Variants in ATP6V1C1 observed in about 807,000 individuals in gnomAD.
ATP6V1C1 encodes the protein V-type proton ATPase subunit C 1.
A neutral mutation model predicts 53.9 loss-of-function variants in ATP6V1C1; 45 were observed. The observed-to-expected ratio is 0.83, with a 90% confidence interval of 0.66 to 1.07. The LOEUF is 1.07. ATP6V1C1 is among the 50% of genes least tolerant of loss of function. The pLI is 0.00. For missense variants in ATP6V1C1, 315 were observed against 440.3 expected (o/e 0.72, Z 2.55); for synonymous variants, 153 against 155.2 (o/e 0.99, Z 0.11).
chr8:103,045,766 C>G (rs943783573), intron 3 of ATP6V1C1, among the ~76,000 whole-genome samples: 1 of 151,890 alleles, frequency 6.6e-6, no homozygotes, highest in Non-Finnish European at 1.5e-5. Context: ...ACGATGAAAC[C>G]CCGTCTCTAC....
At chr8:103,066,194 TAA>T in intron 11 of ATP6V1C1, 125 bp from the exon 12 acceptor site, 1 of 582,108 alleles carries the variant, frequency 1.7e-6, no homozygotes, top group Non-Finnish European at 2.4e-6. Flanking sequence ...GTTGAACTTG[TAA>T]AGGTAAAGGG....
chr8:103,051,128 C>G lies in ATP6V1C1; in HGVS notation c.365C>G (p.Ser122Cys), dbSNP rs1383693521. 6.2e-7 allele frequency: 1 copy of G among 1,605,054 alleles called. No homozygotes were observed. The highest frequency in any genetic ancestry group is 2.2e-5 in the East Asian group (1 of 44,680). Residue 122 changes from serine (S) to cysteine (C), a missense_variant, in exon 5 of 13, where the codon TCT becomes TGT. Physicochemically the swap from Ser to Cys is moderately radical, Grantham distance 112 (BLOSUM62 -1). Coordinates refer to ENST00000518738, the MANE Select transcript of ATP6V1C1 (RefSeq NM_001695.5). Reference protein sequence around the residue: ...YPIKQSLKNISEIIAKGVTQI... With the variant: ...YPIKQSLKNICEIIAKGVTQI... ...ATCAAGCAGTCCCTGAAAAATATTT[C>G]TGAAATAATTGCCAAGGTAAGATAA...
At chr8:103,059,669 C>T (rs892967923) in intron 8 of ATP6V1C1, among the ~76,000 whole-genome samples, 1 of 151,934 alleles carries the variant, frequency 6.6e-6, no homozygotes, top group Non-Finnish European at 1.5e-5. Flanking sequence ...CTACTCTCCC[C>T]ACTCCCCCAA....
At chr8:103,029,157 C>T (rs1482183839) in intron 1 of ATP6V1C1, among the ~76,000 whole-genome samples, 2 of 151,798 alleles carry the variant, frequency 1.3e-5, no homozygotes, top group Non-Finnish European at 1.5e-5. Flanking sequence ...TTCTTAAGAT[C>T]GGCATAGCTA....
intron 8 of ATP6V1C1, 143 bp from the exon 9 acceptor site, chr8:103,062,812 A>G: frequency 1.5e-6 from 1 of 658,196 alleles, no homozygotes; most frequent in Non-Finnish European, 2.6e-6. Flanking sequence ...TGTTTGAGGC[A>G]ATCCAGATTG....
Position 103,065,712 on chromosome 8 carries a change from C to T in ATP6V1C1, c.927-609C>T, listed in dbSNP as rs1817476880. Reference sequence around the variant, plus strand: ...ATAAAAGTATCTGCTGACCTTACTTCTTCTTATTTCCTGAGGATATTCATA... The same window carrying T: ...ATAAAAGTATCTGCTGACCTTACTTTTTCTTATTTCCTGAGGATATTCATA... On this transcript the variant is annotated intron_variant, in intron 11 of 12. Coordinates refer to ENST00000518738, the MANE Select transcript of ATP6V1C1 (RefSeq NM_001695.5). Among the ~76,000 whole-genome samples, 5 of 152,098 alleles carry T rather than the reference C, an allele frequency of 3.3e-5. No individual in the cohort carries two copies. In the South Asian group the frequency reaches 1.0e-3, roughly 32 times the overall value.
chr8:103,068,589 A>G (rs574781874), intron 12 of ATP6V1C1, 63 bp from the exon 13 acceptor site: 1 of 1,282,928 alleles, frequency 7.8e-7, no homozygotes, highest in Non-Finnish European at 1.1e-6. Context: ...AAATGTTAAT[A>G]CTTGCTTTCT....
At chr8:103,032,788 A>C (rs1816821940) in intron 1 of ATP6V1C1, among the ~76,000 whole-genome samples, 3 of 152,156 alleles carry the variant, frequency 2.0e-5, no homozygotes, top group Admixed American at 2.0e-4. Context: ...AATTTCTTAT[A>C]AAGGTAAATA....
intron 8 of ATP6V1C1, among the ~76,000 whole-genome samples, chr8:103,058,921 TG>T (rs957281615): frequency 1.3e-5 from 2 of 151,986 alleles, no homozygotes; most frequent in Non-Finnish European, 2.9e-5. Flanking sequence ...TGCTTTTTTT[TG>T]TTGAAACACT....
intron 7 of ATP6V1C1, among the ~76,000 whole-genome samples, chr8:103,054,228 C>T (rs1157543316): frequency 1.3e-5 from 2 of 151,900 alleles, no homozygotes; most frequent in East Asian, 1.9e-4. Flanking sequence ...AGAATTGGCT[C>T]ATTCAAACAT....
intron 12 of ATP6V1C1, among the ~76,000 whole-genome samples, chr8:103,068,381 G>A (rs1444443178): frequency 6.6e-6 from 1 of 152,180 alleles, no homozygotes; most frequent in African/African-American, 2.4e-5. Context: ...ACATAAAAAA[G>A]GTTGGTGGGA....
rs1222438140 is a variant in ATP6V1C1 at position 103,041,999 on chromosome 8, T to C, written c.133-341T>C. 2.0e-5 allele frequency among the ~76,000 whole-genome samples: 3 copies of C among 152,222 alleles called. No individual in the cohort carries two copies. The East Asian group carries it at 5.8e-4, about 29-fold the overall frequency. ...TGCACAGTTTTGCATGCAAATTTAA[T>C]TACAGACCCTCTAGCGCACATCCGT... On this transcript the variant is annotated intron_variant, in intron 2 of 12. Transcript: ENST00000518738.
At chr8:103,033,652 C>T (rs192754440) in intron 1 of ATP6V1C1, among the ~76,000 whole-genome samples, 185 of 152,258 alleles carry the variant, frequency 1.2e-3, no homozygotes, top group African/African-American at 4.3e-3. Context: ...TACATTCATC[C>T]TTAGCATATA....
chr8:103,062,690 C>T (rs954746954), intron 8 of ATP6V1C1, among the ~76,000 whole-genome samples: 2 of 152,128 alleles, frequency 1.3e-5, no homozygotes, highest in African/African-American at 4.8e-5. Flanking sequence ...TGGTTCTTAG[C>T]GTTTGGATGC....
chr8:103,021,962 G>C (rs574375612), intron 1 of ATP6V1C1, among the ~76,000 whole-genome samples: 1 of 152,130 alleles, frequency 6.6e-6, no homozygotes, highest in Non-Finnish European at 1.5e-5. Flanking sequence ...GCTTCAGTGC[G>C]AGCCCAGTAC....
intron 1 of ATP6V1C1, among the ~76,000 whole-genome samples, chr8:103,027,413 C>T (rs1267241776): frequency 6.6e-6 from 1 of 152,120 alleles, no homozygotes; most frequent in Non-Finnish European, 1.5e-5. Flanking sequence ...TCTGTGGTTG[C>T]CCCTATCTTG....
chr8:103,051,824 G>A (rs1169156458), intron 5 of ATP6V1C1, among the ~76,000 whole-genome samples: 1 of 152,082 alleles, frequency 6.6e-6, no homozygotes, highest in East Asian at 1.9e-4. Context: ...AAATAGACAA[G>A]GACCTGTTAA....
intron 1 of ATP6V1C1, among the ~76,000 whole-genome samples, chr8:103,030,493 C>T (rs1816778858): frequency 6.6e-6 from 1 of 152,162 alleles, no homozygotes; most frequent in Non-Finnish European, 1.5e-5. Context: ...TAAACAATTA[C>T]AAATCTGGAC....
Position 103,048,945 on chromosome 8 carries a change from G to T in ATP6V1C1, c.276G>T (p.Leu92Phe), listed in dbSNP as rs764040961. The T allele has an allele frequency of 3.5e-5, 57 of 1,612,384 alleles. No homozygotes were observed. Among genetic ancestry groups the T allele is most frequent in the Non-Finnish European group, 4.3e-5 (51 of 1,179,148 alleles). ...DSKDKVQENL[L>F]ANGVDLVTYI... ...AAGACAAAGTTCAAGAGAATCTGTTGGCTAATGGAGGTAAGCTAATGCTCA... is the reference window on the plus strand; with the variant it reads ...AAGACAAAGTTCAAGAGAATCTGTTTGCTAATGGAGGTAAGCTAATGCTCA... The change falls in exon 4 of 13, where the codon TTG becomes TTT. Residue 92 changes from leucine (L) to phenylalanine (F), a missense_variant. Transcript: ENST00000518738.
Sources: gnomAD v4.1 joint callset for allele counts (sites outside exome capture counted in the v4.1 genomes callset) on GRCh38, gnomAD v4.1.1 for gene constraint, MANE v1.5 for transcripts, NCBI Gene and HGNC (gene_info 2026-07-23, HGNC 2026-07-21) for gene names.